The following ZNF385B variants were observed in gnomAD, a reference collection of about 807,000 sequenced individuals.
The protein encoded by ZNF385B is zinc finger protein 533.
ZNF385B carries 23 observed loss-of-function variants against 39.2 expected under a neutral mutation model. The ratio of observed to expected loss-of-function variants is 0.59; its 90% CI spans 0.42 to 0.83. The LOEUF (loss-of-function observed/expected upper bound fraction) is 0.83. ZNF385B is among the 40% of genes least tolerant of loss of function. The probability of loss-of-function intolerance (pLI) is 0.00; values close to 1 mark genes in which losing one functional copy is unlikely to be tolerated. For synonymous variants in ZNF385B, 205 were observed against 222.6 expected, an observed-to-expected ratio of 0.92 and a Z score of 0.70; for missense variants, 552 against 598.9, an observed-to-expected ratio of 0.92 and a Z score of 0.82.
Position 179,825,867 on chromosome 2 carries a change from A to AC in ZNF385B, c.-155+35233dup, listed in dbSNP as rs142794752. ...AACTCATGGCTTCCACCATCTGCGA[A>AC]CCCCAACTTTCTTCCCGTTTACCAC... On this transcript the variant is annotated intron_variant, in intron 1 of 9. Coordinates refer to ENST00000410066, the MANE Select transcript of ZNF385B (RefSeq NM_152520.6). Among the ~76,000 whole-genome samples, 892 of 152,080 alleles carry AC rather than the reference A, an allele frequency of 5.9e-3. 44 individuals are homozygous for AC. The East Asian group carries it at 0.11, about 19-fold the overall frequency.
intron 1 of ZNF385B, among the ~76,000 whole-genome samples, chr2:179,770,900 T>C (rs997182476): frequency 3.3e-5 from 5 of 152,156 alleles, no homozygotes; most frequent in African/African-American, 1.2e-4. Context: ...TTCAGTGCCA[T>C]TTTATGTAAT....
At chr2:179,454,630 G>C (rs2050494110) in intron 6 of ZNF385B, among the ~76,000 whole-genome samples, 1 of 152,298 alleles carries the variant, frequency 6.6e-6, no homozygotes, top group African/African-American at 2.4e-5. Context: ...AGACCTTCCA[G>C]TGGGTTAAGA....
intron 3 of ZNF385B, among the ~76,000 whole-genome samples, chr2:179,712,675 C>T (rs1217087909): frequency 2.0e-5 from 3 of 152,148 alleles, no homozygotes; most frequent in Non-Finnish European, 4.4e-5. Context: ...GATTCTCAGG[C>T]TTCGTATCTG....
intron 5 of ZNF385B, among the ~76,000 whole-genome samples, chr2:179,486,963 A>C (rs28504211): frequency 0.01 from 1,541 of 152,312 alleles, 20 homozygotes; most frequent in African/African-American, 0.035. Flanking sequence ...CTTTTTAAAT[A>C]TACAACAATT....
chr2:179,753,546 G>A (rs534184560), intron 3 of ZNF385B, among the ~76,000 whole-genome samples: 10 of 152,198 alleles, frequency 6.6e-5, no homozygotes, highest in African/African-American at 1.4e-4. Flanking sequence ...CCATTGTCAC[G>A]ATATTTATTA....
Position 179,483,264 on chromosome 2 carries a change from T to C in ZNF385B, c.715+8A>G. On this transcript the variant is annotated splice_region_variant and intron_variant, in intron 6 of 9. Transcript: ENST00000410066. ...CAAAGAATGTAAAGAACAAAAAGTGTCATTGACCTGATTTGTCAGAGTTGT... is the reference window on the plus strand; with the variant it reads ...CAAAGAATGTAAAGAACAAAAAGTGCCATTGACCTGATTTGTCAGAGTTGT... 6.2e-7 allele frequency: 1 copy of C among 1,613,590 alleles called. No individual in the cohort carries two copies. Among genetic ancestry groups the C allele is most frequent in the Non-Finnish European group, 8.5e-7 (1 of 1,179,768 alleles).
chr2:179,509,681 C>T (rs1053993993), intron 5 of ZNF385B, among the ~76,000 whole-genome samples: 6 of 152,152 alleles, frequency 3.9e-5, no homozygotes, highest in Non-Finnish European at 8.8e-5. Flanking sequence ...AGCAGGTTAT[C>T]ATTTTCTAGA....
At chr2:179,708,280 T>A (rs1475860802) in intron 3 of ZNF385B, among the ~76,000 whole-genome samples, 1 of 152,228 alleles carries the variant, frequency 6.6e-6, no homozygotes, top group Non-Finnish European at 1.5e-5. Flanking sequence ...CTCCTTCACA[T>A]GCTCTCCTCT....
intron 4 of ZNF385B, among the ~76,000 whole-genome samples, chr2:179,538,916 A>C (rs1340250287): frequency 6.6e-6 from 1 of 152,254 alleles, no homozygotes; most frequent in African/African-American, 2.4e-5. Context: ...AGAAATTGAC[A>C]GGTGGCTGTG....
At chr2:179,827,798 G>A (rs1053752717) in intron 1 of ZNF385B, among the ~76,000 whole-genome samples, 2 of 152,108 alleles carry the variant, frequency 1.3e-5, no homozygotes, top group Non-Finnish European at 2.9e-5. Context: ...CGACGTGAAC[G>A]TGTCCCATGT....
intron 3 of ZNF385B, among the ~76,000 whole-genome samples, chr2:179,560,474 G>A (rs2061256489): frequency 6.6e-6 from 1 of 152,232 alleles, no homozygotes; most frequent in African/African-American, 2.4e-5. Context: ...TAAAAGAAAT[G>A]CAAAAAGAAT....
chr2:179,508,676 A>G (rs1486734950), intron 5 of ZNF385B, among the ~76,000 whole-genome samples: 2 of 152,200 alleles, frequency 1.3e-5, no homozygotes, highest in Admixed American at 6.5e-5. Context: ...ATCATGGATA[A>G]TCATTTTCTG....
rs900542822 is a variant in ZNF385B, at chr2:179,553,105, T to G, written c.299-8136A>C. Among the ~76,000 whole-genome samples, 5 of 148,972 alleles carry G rather than the reference T, an allele frequency of 3.4e-5. No homozygotes were observed. The South Asian group carries it at 1.1e-3, about 32-fold the overall frequency. ...TGCTATGGTCACCAAATTGTATAGG[T>G]GAAAACATTCCAGTCATATAGATAC... On this transcript the variant is annotated intron_variant, in intron 3 of 9. Transcript: ENST00000410066.
At chr2:179,628,760 T>G (rs1337809261) in intron 3 of ZNF385B, among the ~76,000 whole-genome samples, 1 of 152,310 alleles carries the variant, frequency 6.6e-6, no homozygotes, top group Non-Finnish European at 1.5e-5. Flanking sequence ...TTTTTCCTTC[T>G]CCATGTATTG....
At chr2:179,509,613 A>T (rs10197005) in intron 5 of ZNF385B, among the ~76,000 whole-genome samples, 40,465 of 151,986 alleles carry the variant, frequency 0.27, 6,325 homozygotes, top group East Asian at 0.54. Context: ...TACTCTTTAA[A>T]CCTAAGAATC....
chr2:179,485,270 A>T (rs995250547), intron 5 of ZNF385B, among the ~76,000 whole-genome samples: 8 of 152,172 alleles, frequency 5.3e-5, no homozygotes, highest in African/African-American at 1.9e-4. Context: ...AGCCTTGGTT[A>T]TTATCAATCC....
chr2:179,825,770 TGAAATAG>T (rs1707645051), intron 1 of ZNF385B, among the ~76,000 whole-genome samples: 1 of 152,154 alleles, frequency 6.6e-6, no homozygotes, highest in Non-Finnish European at 1.5e-5. Flanking sequence ...TGTGAGTCTC[TGAAATAG>T]GACGCCATTT....
chr2:179,755,834 G>A (rs528552969), intron 3 of ZNF385B, among the ~76,000 whole-genome samples: 33 of 152,228 alleles, frequency 2.2e-4, no homozygotes, highest in Non-Finnish European at 3.8e-4. Context: ...GTCTCTGCAC[G>A]TGAGATGGGT....
At chr2:179,507,704 C>T (rs999671586) in intron 5 of ZNF385B, among the ~76,000 whole-genome samples, 1 of 152,214 alleles carries the variant, frequency 6.6e-6, no homozygotes, top group African/African-American at 2.4e-5. Context: ...TGACTCTCTT[C>T]TCCTAACTCC....
Sources: gnomAD v4.1 joint callset for allele counts (sites outside exome capture counted in the v4.1 genomes callset) on GRCh38, gnomAD v4.1.1 for gene constraint, MANE v1.5 for transcripts, NCBI Gene and HGNC (gene_info 2026-07-23, HGNC 2026-07-21) for gene names.